ADCY8: variants seen among roughly 807,000 people sequenced by gnomAD.
The protein encoded by ADCY8 is adenylate cyclase type 8.
In ADCY8, 51 loss-of-function variants were observed where a neutral mutation model predicts 119.7. The ratio of observed to expected loss-of-function variants is 0.43; its 90% CI spans 0.34 to 0.54. The LOEUF (loss-of-function observed/expected upper bound fraction) is 0.54. Among genes scored for constraint, ADCY8 ranks in the 20% least tolerant of loss-of-function variants. ADCY8 has a pLI of 0.03. For missense variants in ADCY8, 1,383 were observed against 1,598.8 expected (o/e 0.87, Z 2.30); for synonymous variants, 665 against 651.0 (o/e 1.02, Z -0.33).
intron 6 of ADCY8, among the ~76,000 whole-genome samples, chr8:130,904,719 G>A (rs1023094112): frequency 6.6e-6 from 1 of 152,186 alleles, no homozygotes; most frequent in Non-Finnish European, 1.5e-5. Context: ...AGTGACTCAT[G>A]GCTGCACAAT....
intron 15 of ADCY8, among the ~76,000 whole-genome samples, chr8:130,799,947 T>C (rs1353798521): frequency 6.6e-6 from 1 of 152,176 alleles, no homozygotes. Context: ...CCCCACAGAA[T>C]GTGTTCACTA....
chr8:131,009,116 T>C (rs953131609), intron 1 of ADCY8, among the ~76,000 whole-genome samples: 3 of 152,120 alleles, frequency 2.0e-5, no homozygotes, highest in Non-Finnish European at 4.4e-5. Context: ...GAAATTTGCA[T>C]AAGTAACGAG....
chr8:131,003,170 T>C (rs1183767191), intron 1 of ADCY8, among the ~76,000 whole-genome samples: 3 of 147,790 alleles, frequency 2.0e-5, no homozygotes, highest in Admixed American at 6.8e-5. Flanking sequence ...GATCGCACCA[T>C]TGCACTCCAG....
intron 14 of ADCY8, among the ~76,000 whole-genome samples, chr8:130,812,221 A>G (rs1816191133): frequency 6.6e-6 from 1 of 152,054 alleles, no homozygotes; most frequent in Non-Finnish European, 1.5e-5. Context: ...GTTACACTTA[A>G]AACTTCCAAA....
chr8:131,000,868 C>A (rs190150290), intron 1 of ADCY8, among the ~76,000 whole-genome samples: 12 of 152,108 alleles, frequency 7.9e-5, no homozygotes, highest in African/African-American at 2.7e-4. Context: ...GCGTTGTCTG[C>A]AGGCCTTTCC....
chr8:130,994,918 T>C (rs1026494237), intron 1 of ADCY8, among the ~76,000 whole-genome samples: 2 of 152,164 alleles, frequency 1.3e-5, no homozygotes, highest in South Asian at 4.1e-4. Flanking sequence ...GGGGCACATG[T>C]GCAAAGGTGA....
At chr8:130,789,935 C>G (rs969357638) in intron 15 of ADCY8, among the ~76,000 whole-genome samples, 1 of 152,122 alleles carries the variant, frequency 6.6e-6, no homozygotes. Context: ...CTAGTGCATG[C>G]GTGAGTCAGA....
rs373286289 is a variant in ADCY8 at position 130,990,384 on chromosome 8, A to G, written c.1110+9T>C. On this transcript the variant is annotated intron_variant, in intron 2 of 17. Coordinates refer to ENST00000286355, the MANE Select transcript of ADCY8 (RefSeq NM_001115.3). ...GATAACTAAAACACACAGCCTTGTC[A>G]GTTGGTACCTGTCTTTGGTTCTCTG... 7.4e-5 allele frequency: 120 copies of G among 1,613,628 alleles called. No individual in the cohort carries two copies. The highest frequency in any genetic ancestry group is 1.0e-4 in the Non-Finnish European group (118 of 1,179,860).
At chr8:130,959,143 C>T (rs1051825615) in intron 2 of ADCY8, among the ~76,000 whole-genome samples, 6 of 151,998 alleles carry the variant, frequency 3.9e-5, no homozygotes, top group East Asian at 1.9e-4. Flanking sequence ...ATTGTATTAC[C>T]GGTTTTTAAA....
chr8:130,934,423 AACTC>A (rs1820725568), intron 5 of ADCY8, among the ~76,000 whole-genome samples: 2 of 152,078 alleles, frequency 1.3e-5, no homozygotes, highest in African/African-American at 4.8e-5. Context: ...CTCTCATGAG[AACTC>A]ACTCACTATC....
intron 14 of ADCY8, among the ~76,000 whole-genome samples, chr8:130,812,572 C>A (rs1040222379): frequency 6.6e-6 from 1 of 152,216 alleles, no homozygotes; most frequent in Non-Finnish European, 1.5e-5. Context: ...CAAGTGGCCA[C>A]AGCCAAGAAA....
At chr8:131,003,587 G>A (rs1396139558) in intron 1 of ADCY8, among the ~76,000 whole-genome samples, 1 of 152,044 alleles carries the variant, frequency 6.6e-6, no homozygotes, top group Non-Finnish European at 1.5e-5. Context: ...CAGATCCTGT[G>A]CTTTAGCCTT....
At chr8:130,996,244 CTA>C (rs1299623932) in intron 1 of ADCY8, among the ~76,000 whole-genome samples, 1 of 151,972 alleles carries the variant, frequency 6.6e-6, no homozygotes, top group African/African-American at 2.4e-5. Flanking sequence ...TAATATGTAA[CTA>C]TATATATGCA....
chr8:130,999,007 A>C (rs1371088298), intron 1 of ADCY8, among the ~76,000 whole-genome samples: 1 of 152,158 alleles, frequency 6.6e-6, no homozygotes, highest in African/African-American at 2.4e-5. Context: ...GAAATCTCTG[A>C]GTCATGTCAA....
At chr8:130,851,870 T>G (rs1256613504) in intron 9 of ADCY8, among the ~76,000 whole-genome samples, 1 of 152,186 alleles carries the variant, frequency 6.6e-6, no homozygotes, top group East Asian at 1.9e-4. Flanking sequence ...TGTTTGGTAC[T>G]TGTAGATCAT....
chr8:130,905,042 A>T (rs865854221), intron 6 of ADCY8, among the ~76,000 whole-genome samples: 1 of 152,138 alleles, frequency 6.6e-6, no homozygotes, highest in African/African-American at 2.4e-5. Context: ...CTATCAGTCC[A>T]TTTTCTTACC....
rs372903714 is a variant in ADCY8 at position 130,875,852 on chromosome 8, G to C, written c.2110-7906C>G. Among the ~76,000 whole-genome samples, 13 of 152,140 alleles carry C rather than the reference G, an allele frequency of 8.5e-5. No individual in the cohort carries two copies. In the East Asian group the frequency reaches 9.6e-4, roughly 11 times the overall value. Reference sequence around the variant, plus strand: ...CAAATAATTATCTAAAGATTCTCTTGTGTGGCAAATCCTTGGTTTTATGTG... The same window carrying C: ...CAAATAATTATCTAAAGATTCTCTTCTGTGGCAAATCCTTGGTTTTATGTG... On this transcript the variant is annotated intron_variant, in intron 8 of 17. Transcript: ENST00000286355.
chr8:130,979,944 G>C (rs1248380109), intron 2 of ADCY8, among the ~76,000 whole-genome samples: 4 of 152,140 alleles, frequency 2.6e-5, no homozygotes, highest in African/African-American at 9.7e-5. Context: ...CACACAATTT[G>C]GTGGTTTAAA....
intron 9 of ADCY8, among the ~76,000 whole-genome samples, chr8:130,850,920 C>T (rs1311655809): frequency 1.3e-5 from 2 of 152,126 alleles, no homozygotes; most frequent in Non-Finnish European, 2.9e-5. Flanking sequence ...AATTTCCATT[C>T]CTTAGAATGA....
Sources: allele counts gnomAD v4.1 joint callset (sites outside exome capture counted in the v4.1 genomes callset), GRCh38; gene constraint gnomAD v4.1.1; transcripts MANE v1.5; gene names NCBI Gene and HGNC (gene_info 2026-07-23, HGNC 2026-07-21).